Variants in UCHL5 observed in about 807,000 individuals in gnomAD.
The protein encoded by UCHL5 is ubiquitin C-terminal hydrolase L5, also known as ubiquitin carboxyl-terminal hydrolase isozyme L5.
UCHL5 carries 34 observed loss-of-function variants against 53.8 expected under a neutral mutation model. The observed-to-expected ratio is 0.63, with a 90% CI of 0.48 to 0.84. The LOEUF (loss-of-function observed/expected upper bound fraction) is 0.84, where lower values mean the gene tolerates loss of function less well. UCHL5 is among the 40% of genes least tolerant of loss of function. The pLI is 0.00. For synonymous variants in UCHL5, 111 were observed against 126.3 expected (o/e 0.88, Z 0.81); for missense variants, 290 against 385.6 (o/e 0.75, Z 2.08).
At chr1:193,042,106 CA>C (rs1311541324) in intron 3 of UCHL5, among the ~76,000 whole-genome samples, 2 of 136,808 alleles carry the variant, frequency 1.5e-5, no homozygotes, top group African/African-American at 2.7e-5. Flanking sequence ...ATCCTGTCTC[CA>C]AAAAAAGAAA....
Position 193,013,427 on chromosome 1 carries a change from T to A in UCHL5, c.*2924A>T, listed in dbSNP as rs1057091664. 6.6e-6 allele frequency: 1 copy of A among 152,140 alleles called. No individual in the cohort carries two copies. Among genetic ancestry groups the A allele is most frequent in the Non-Finnish European group, 1.5e-5 (1 of 68,032 alleles). The allele number at this position is 152,140 out of a possible 1,614,324, so 9.4% of individuals were successfully genotyped here. ...CTGAAAATTTGTATATGATCAAGTTTAAAAATAATATAAACTTCATAGAAC... is the reference window on the plus strand; with the variant it reads ...CTGAAAATTTGTATATGATCAAGTTAAAAAATAATATAAACTTCATAGAAC... On this transcript the variant is annotated 3_prime_UTR_variant, in exon 11 of 11. Coordinates refer to ENST00000367454, the MANE Select transcript of UCHL5 (RefSeq NM_001199261.3).
At chr1:193,020,100 G>A in intron 10 of UCHL5, 1 of 984,754 alleles carries the variant, frequency 1.0e-6, no homozygotes, top group Non-Finnish European at 1.2e-6. Flanking sequence ...AACCTATAAT[G>A]GAAAAGAGAA....
chr1:193,059,745 T>C (rs1429559616), upstream of UCHL5: 1 of 1,355,308 alleles, frequency 7.4e-7, no homozygotes, highest in Non-Finnish European at 9.8e-7. This position sits in a 1 kb window ranked among gnomAD's most constrained non-coding sequence, Gnocchi z 4.9. Context: ...CTGGCGGCGC[T>C]GCGGATCCAG....
intron 3 of UCHL5, among the ~76,000 whole-genome samples, chr1:193,038,332 T>C (rs1484201935): frequency 6.6e-6 from 1 of 151,874 alleles, no homozygotes; most frequent in African/African-American, 2.4e-5. Context: ...GGCGGACGCC[T>C]GTAGTCCCAG....
At chr1:193,018,893 G>C in intron 10 of UCHL5, 3 of 1,322,470 alleles carry the variant, frequency 2.3e-6, no homozygotes, top group Non-Finnish European at 3.1e-6. Context: ...ATTTTTCTTA[G>C]AAGTATTACC....
intron 3 of UCHL5, among the ~76,000 whole-genome samples, chr1:193,035,155 T>C (rs1343739100): frequency 6.6e-6 from 1 of 151,840 alleles, no homozygotes; most frequent in Non-Finnish European, 1.5e-5. Flanking sequence ...AAAAAACAAA[T>C]TATTAGTGAT....
At chr1:193,037,696 CTGA>C (rs1664014016) in intron 3 of UCHL5, among the ~76,000 whole-genome samples, 1 of 152,006 alleles carries the variant, frequency 6.6e-6, no homozygotes. Flanking sequence ...ACCAGTATCA[CTGA>C]TGATAATAGA....
chr1:193,020,433 A>C, intron 10 of UCHL5: 1 of 1,545,344 alleles, frequency 6.5e-7, no homozygotes, highest in Non-Finnish European at 8.7e-7. Flanking sequence ...CTTATTAAAG[A>C]ATCCTTCCCC....
At chr1:193,035,007 G>A (rs919164807) in intron 3 of UCHL5, among the ~76,000 whole-genome samples, 1 of 151,924 alleles carries the variant, frequency 6.6e-6, no homozygotes, top group Non-Finnish European at 1.5e-5. Flanking sequence ...GTTGCAAGTG[G>A]TTTTATTGGA....
At chr1:193,028,385 T>C (rs535152176) in intron 6 of UCHL5, among the ~76,000 whole-genome samples, 1 of 152,304 alleles carries the variant, frequency 6.6e-6, no homozygotes, top group Non-Finnish European at 1.5e-5. Flanking sequence ...GGATAAACTA[T>C]TGGTTCTACG....
chr1:193,048,343 G>C lies in UCHL5; in HGVS notation c.246+1403C>G, dbSNP rs1000714458. On this transcript the variant is annotated intron_variant, in intron 3 of 10. Coordinates refer to ENST00000367454, the MANE Select transcript of UCHL5 (RefSeq NM_001199261.3). ...TTGTAAAACTTAGATCTCCCACTGTGAGCTTAAAAGGTTTGCTATGGGTAA... is the reference window on the plus strand; with the variant it reads ...TTGTAAAACTTAGATCTCCCACTGTCAGCTTAAAAGGTTTGCTATGGGTAA... Among the ~76,000 whole-genome samples the C allele has an allele frequency of 6.6e-5, 10 of 152,258 alleles. No individual in the cohort carries two copies. In the South Asian group the frequency reaches 1.9e-3, roughly 28 times the overall value.
chr1:193,052,562 A>G (rs1669391132), intron 1 of UCHL5, among the ~76,000 whole-genome samples: 1 of 152,336 alleles, frequency 6.6e-6, no homozygotes, highest in African/African-American at 2.4e-5. Context: ...TCTAGCGTAC[A>G]GTAGTAATCG....
chr1:193,045,216 A>G (rs1666965287), intron 3 of UCHL5, among the ~76,000 whole-genome samples: 1 of 152,222 alleles, frequency 6.6e-6, no homozygotes, highest in African/African-American at 2.4e-5. Context: ...GACTGAATAT[A>G]AAAACAAAAT....
chr1:193,016,467 T>C, intron 10 of UCHL5, 72 bp from the exon 11 acceptor site: 1 of 1,382,648 alleles, frequency 7.2e-7, no homozygotes, highest in African/African-American at 1.5e-5. Flanking sequence ...AAAATGTGCC[T>C]AAGAGGGTAT....
chr1:193,049,953 A>T (rs1376711971), intron 2 of UCHL5, 102 bp from the exon 3 acceptor site: 77 of 975,700 alleles, frequency 7.9e-5, no homozygotes, highest in Non-Finnish European at 1.3e-5. Flanking sequence ...ATATAATACA[A>T]ATGAAGTAAA....
intron 3 of UCHL5, among the ~76,000 whole-genome samples, chr1:193,031,431 T>C (rs1022332985): frequency 1.3e-4 from 20 of 152,152 alleles, no homozygotes; most frequent in Non-Finnish European, 2.8e-4. Flanking sequence ...TTTTAAGAAG[T>C]AGAAAAAATT....
At chr1:193,030,544 G>A (rs1230846613) in intron 3 of UCHL5, among the ~76,000 whole-genome samples, 1 of 152,134 alleles carries the variant, frequency 6.6e-6, no homozygotes, top group Non-Finnish European at 1.5e-5. Flanking sequence ...AGCACCTATG[G>A]TATTGAGATC....
chr1:193,025,972 A>C (rs2102393490), intron 7 of UCHL5, among the ~76,000 whole-genome samples: 1 of 152,152 alleles, frequency 6.6e-6, no homozygotes, highest in East Asian at 1.9e-4. Flanking sequence ...CAGACTAGTG[A>C]GCCCAGAAAT....
intron 3 of UCHL5, among the ~76,000 whole-genome samples, chr1:193,039,419 T>A (rs894843427): frequency 6.6e-5 from 10 of 151,410 alleles, no homozygotes; most frequent in East Asian, 5.8e-4. Flanking sequence ...AAAAAAAAAA[T>A]AATAATCTAA....
Sources: allele counts gnomAD v4.1 joint callset (sites outside exome capture counted in the v4.1 genomes callset), GRCh38; gene constraint gnomAD v4.1.1; non-coding constraint Gnocchi (gnomAD v3.1); transcripts MANE v1.5; gene names NCBI Gene and HGNC (gene_info 2026-07-23, HGNC 2026-07-21).